Variants in EFCAB5 observed in about 807,000 individuals in gnomAD.
EFCAB5 encodes the protein EF-hand calcium-binding domain-containing protein 5.
EFCAB5 carries 131 observed loss-of-function variants against 167.9 expected under a neutral mutation model. The ratio of observed to expected loss-of-function variants is 0.78; its 90% CI spans 0.68 to 0.90. EFCAB5 has a LOEUF of 0.90. Ranked by LOEUF, EFCAB5 falls within the 40% of genes least tolerant of loss-of-function variation. The pLI is 0.00. For synonymous variants in EFCAB5, 574 were observed against 602.8 expected (o/e 0.95, Z 0.70); for missense variants, 1,663 against 1,745.2 (o/e 0.95, Z 0.84).
chr17:30,068,710 G>C, intron 14 of EFCAB5: 1 of 1,549,914 alleles, frequency 6.5e-7, no homozygotes, highest in Non-Finnish European at 8.9e-7. Context: ...AGTGGCAGTG[G>C]GTGGCAGAGT....
chr17:30,081,113 C>T, intron 17 of EFCAB5, 132 bp downstream of exon 17: 2 of 701,382 alleles, frequency 2.9e-6, no homozygotes, highest in East Asian at 2.7e-5. Context: ...TGCTCCTGTT[C>T]CCTGAATGTA....
At chr17:30,078,083 C>T (rs1412103451) in intron 14 of EFCAB5, 132 bp from the exon 15 acceptor site, 8 of 863,012 alleles carry the variant, frequency 9.3e-6, no homozygotes, top group Admixed American at 3.0e-5. Flanking sequence ...CTCAGAGATG[C>T]CTTTGGTATA....
At chr17:30,021,238 A>C (rs1174393187) in intron 7 of EFCAB5, among the ~76,000 whole-genome samples, 1 of 151,044 alleles carries the variant, frequency 6.6e-6, no homozygotes, top group Non-Finnish European at 1.5e-5. Flanking sequence ...TATTATATAG[A>C]ATGCTAATGA....
At position 30,087,085 on chromosome 17, in the gene EFCAB5, A is replaced by G. The variant is rs775071399; in HGVS notation, c.3602A>G (p.Asn1201Ser). Residue 1201 changes from asparagine to serine, a missense_variant, in exon 19 of 23, where the codon AAC becomes AGC. Transcript: ENST00000394835. The stretch of plus-strand genomic sequence containing the variant: ...AAGGATTCAGACTATGTTTTACGCA[A>G]CATGATGGTTACAGGGCAGCTGGGT... Reference protein sequence around the residue: ...PAQDSDYVLRNMMVTGQLGLT... With the variant: ...PAQDSDYVLRSMMVTGQLGLT... The G allele has an allele frequency of 1.2e-6, 2 of 1,613,496 alleles. No homozygotes were observed. Among genetic ancestry groups the G allele is most frequent in the African/African-American group, 1.3e-5 (1 of 74,914 alleles).
chr17:29,993,976 A>G (rs1315380768), intron 5 of EFCAB5, among the ~76,000 whole-genome samples: 1 of 150,800 alleles, frequency 6.6e-6, no homozygotes, highest in Non-Finnish European at 1.5e-5. Flanking sequence ...GAAATTATCC[A>G]GGCTGTGGTT....
chr17:29,942,241 A>AAAAC lies in EFCAB5; in HGVS notation c.46_49dup (p.Arg17LysfsTer14). 1 of 1,584,396 alleles carries AAAAC rather than the reference A, an allele frequency of 6.3e-7. No homozygotes were observed. On this transcript the variant is annotated frameshift_variant and splice_region_variant, in exon 2 of 23. Coordinates refer to ENST00000394835, the MANE Select transcript of EFCAB5 (RefSeq NM_198529.4). LOFTEE classifies it high-confidence loss of function. The stretch of plus-strand genomic sequence containing the variant: ...TTACTAACACTGTTTGCATTTCAGG[A>AAAAC]AAACAGAAAAGAAGACAAAGAGAGG...
At chr17:29,937,968 G>A (rs1339780135), upstream of EFCAB5, among the ~76,000 whole-genome samples, 1 of 152,146 alleles carries the variant, frequency 6.6e-6, no homozygotes, top group Non-Finnish European at 1.5e-5. Flanking sequence ...AATCTCTGTG[G>A]AAAAGACTTA....
At chr17:30,004,936 C>G (rs1167248706) in intron 7 of EFCAB5, among the ~76,000 whole-genome samples, 1 of 151,662 alleles carries the variant, frequency 6.6e-6, no homozygotes, top group Non-Finnish European at 1.5e-5. Context: ...TGCCTGGCCT[C>G]TGTGGGCACC....
chr17:29,973,631 C>T (rs2068004941), intron 4 of EFCAB5, among the ~76,000 whole-genome samples: 1 of 151,434 alleles, frequency 6.6e-6, no homozygotes, highest in Non-Finnish European at 1.5e-5. Flanking sequence ...GCACCCGCCA[C>T]TACACCCTGC....
At chr17:30,041,667 A>G in intron 8 of EFCAB5, among the ~76,000 whole-genome samples, 1 of 152,242 alleles carries the variant, frequency 6.6e-6, no homozygotes, top group East Asian at 1.9e-4. Context: ...ATAAAATGCT[A>G]TCAAACAGCA....
At chr17:30,007,569 T>C (rs1364334348) in intron 7 of EFCAB5, among the ~76,000 whole-genome samples, 1 of 152,218 alleles carries the variant, frequency 6.6e-6, no homozygotes, top group African/African-American at 2.4e-5. Flanking sequence ...TCTGACCATG[T>C]CAGTTTAAAA....
chr17:29,991,858 A>G (rs2068427516), intron 4 of EFCAB5, among the ~76,000 whole-genome samples: 1 of 152,208 alleles, frequency 6.6e-6, no homozygotes, highest in Non-Finnish European at 1.5e-5. Flanking sequence ...CAGTATATAT[A>G]GCAGCTTCTA....
chr17:30,047,904 G>T (rs1051021713), intron 8 of EFCAB5, among the ~76,000 whole-genome samples: 7 of 152,146 alleles, frequency 4.6e-5, no homozygotes, highest in African/African-American at 1.7e-4. Context: ...TCTTGGGGAA[G>T]AATTCGACAA....
chr17:30,079,805 T>TGA (rs1177328021), intron 15 of EFCAB5, among the ~76,000 whole-genome samples: 1 of 152,200 alleles, frequency 6.6e-6, no homozygotes, highest in Non-Finnish European at 1.5e-5. Context: ...TGAGTAGACT[T>TGA]GAGAGTTTTT....
At chr17:29,982,574 A>G (rs1216577607) in intron 4 of EFCAB5, among the ~76,000 whole-genome samples, 2 of 152,234 alleles carry the variant, frequency 1.3e-5, no homozygotes, top group African/African-American at 4.8e-5. Context: ...TAATTGTTTT[A>G]TAATAGCTAT....
intron 8 of EFCAB5, among the ~76,000 whole-genome samples, chr17:30,049,118 G>A (rs1163195765): frequency 4.6e-5 from 7 of 152,254 alleles, no homozygotes; most frequent in Middle Eastern, 6.8e-3. Context: ...GCTGAAAGCA[G>A]CATTAGATAC....
chr17:30,060,960 TATGA>T lies in EFCAB5; in HGVS notation c.2737+1261_2737+1264del, dbSNP rs541221726. On this transcript the variant is annotated intron_variant, in intron 14 of 22. Transcript: ENST00000394835. ...TTGTTTTCAAAACGAAGGCTTTAGA[TATGA>T]AGAATCCTAGAATTTAAGGAACCTA... 5.3e-5 allele frequency among the ~76,000 whole-genome samples: 8 copies of T among 152,300 alleles called. No individual in the cohort carries two copies. The South Asian group carries it at 1.7e-3, about 32-fold the overall frequency.
At chr17:30,071,670 G>C (rs1215195099) in intron 14 of EFCAB5, among the ~76,000 whole-genome samples, 2 of 152,080 alleles carry the variant, frequency 1.3e-5, no homozygotes, top group African/African-American at 4.8e-5. Context: ...AAGGAAATAA[G>C]TATGTTAAAG....
At chr17:30,104,724 T>G (rs925242785) in intron 22 of EFCAB5, among the ~76,000 whole-genome samples, 1 of 152,118 alleles carries the variant, frequency 6.6e-6, no homozygotes, top group Non-Finnish European at 1.5e-5. Flanking sequence ...AGCAGAGCGC[T>G]GGAGGCTCAT....
Sources: allele counts gnomAD v4.1 joint callset (sites outside exome capture counted in the v4.1 genomes callset), GRCh38; gene constraint gnomAD v4.1.1; transcripts MANE v1.5; gene names NCBI Gene and HGNC (gene_info 2026-07-23, HGNC 2026-07-21).